Variants in CADPS2 observed in about 807,000 individuals in gnomAD.
CADPS2 encodes calcium-dependent secretion activator 2.
In CADPS2, 93 loss-of-function variants were observed where a neutral mutation model predicts 172.5. That is an observed-to-expected ratio of 0.54 (90% confidence interval 0.46 to 0.64). The LOEUF is 0.64. Ranked by LOEUF, CADPS2 falls within the 30% of genes least tolerant of loss-of-function variation. The pLI is 0.00. For synonymous variants in CADPS2, 546 were observed against 555.2 expected (o/e 0.98, Z 0.23); for missense variants, 1,420 against 1,565.9 (o/e 0.91, Z 1.57).
intron 2 of CADPS2, among the ~76,000 whole-genome samples, chr7:122,711,945 C>A (rs952781817): frequency 4.6e-5 from 7 of 152,052 alleles, no homozygotes; most frequent in Non-Finnish European, 1.0e-4. Flanking sequence ...GCCACCACGT[C>A]CAGCCATGTT....
intron 28 of CADPS2, among the ~76,000 whole-genome samples, chr7:122,343,139 C>G (rs1474793339): frequency 6.6e-6 from 1 of 152,000 alleles, no homozygotes; most frequent in South Asian, 2.1e-4. Context: ...ACATGTTATT[C>G]CTGATGACAA....
chr7:122,585,078 T>A (rs1163340112), intron 6 of CADPS2, among the ~76,000 whole-genome samples: 1 of 151,896 alleles, frequency 6.6e-6, no homozygotes, highest in Non-Finnish European at 1.5e-5. Context: ...AAGGCTTAAA[T>A]AACGTGTTCT....
intron 15 of CADPS2, among the ~76,000 whole-genome samples, chr7:122,446,696 G>A (rs1469940283): frequency 3.9e-5 from 6 of 152,142 alleles, no homozygotes; most frequent in Non-Finnish European, 8.8e-5. Context: ...AATAGCTGTA[G>A]CTCTCTCCTC....
chr7:122,333,871 A>G (rs1181190682), intron 28 of CADPS2, among the ~76,000 whole-genome samples: 2 of 148,856 alleles, frequency 1.3e-5, no homozygotes, highest in African/African-American at 4.9e-5. Context: ...ATGCATTTAA[A>G]TATTTATAAA....
Position 122,541,837 on chromosome 7 carries a change from G to GCATATATA in CADPS2, c.1475+12712_1475+12713insTATATATG, listed in dbSNP as rs1563648850. 7.4e-3 allele frequency among the ~76,000 whole-genome samples: 392 copies of GCATATATA among 53,196 alleles called. 2 individuals carry two copies. Among genetic ancestry groups the GCATATATA allele is most frequent in the Admixed American group, 0.02 (97 of 4,844 alleles). 34.9% of individuals were successfully genotyped at this position (53,196 alleles called of 152,430 possible). A position where few individuals can be genotyped will look rare whatever the true frequency, so the allele number is the denominator to read the frequency against. ...TATTCATATGTTTATATATTCATAT[G>GCATATATA]TTTATATATTCATATATATTTATAT... On this transcript the variant is annotated intron_variant, in intron 8 of 29. Coordinates refer to ENST00000449022, the MANE Select transcript of CADPS2 (RefSeq NM_017954.11).
chr7:122,731,762 C>A (rs536721977), intron 2 of CADPS2, among the ~76,000 whole-genome samples: 1 of 151,794 alleles, frequency 6.6e-6, no homozygotes, highest in South Asian at 2.1e-4. Flanking sequence ...AAGATTATAA[C>A]TGCCAACTTT....
At chr7:122,450,706 T>C (rs998025326) in intron 15 of CADPS2, among the ~76,000 whole-genome samples, 5 of 151,854 alleles carry the variant, frequency 3.3e-5, no homozygotes, top group Non-Finnish European at 7.4e-5. Flanking sequence ...GGTTAAGTTT[T>C]GTATTTTTTA....
intron 11 of CADPS2, among the ~76,000 whole-genome samples, chr7:122,482,782 T>C (rs992209374): frequency 2.6e-5 from 4 of 152,044 alleles, no homozygotes; most frequent in African/African-American, 9.7e-5. Flanking sequence ...AGGGTGATAG[T>C]AACTAGAGTT....
intron 3 of CADPS2, among the ~76,000 whole-genome samples, chr7:122,656,217 C>T (rs1025392806): frequency 2.0e-5 from 3 of 152,044 alleles, no homozygotes; most frequent in African/African-American, 7.2e-5. Context: ...TTCAGTTACC[C>T]CACAAAGTTC....
At chr7:122,578,532 C>T (rs1424428402) in intron 7 of CADPS2, among the ~76,000 whole-genome samples, 1 of 152,042 alleles carries the variant, frequency 6.6e-6, no homozygotes, top group Non-Finnish European at 1.5e-5. Context: ...CAGAAGGTAG[C>T]CCTGCACCCC....
At chr7:122,868,875 G>A (rs1454980742) in intron 1 of CADPS2, among the ~76,000 whole-genome samples, 1 of 152,130 alleles carries the variant, frequency 6.6e-6, no homozygotes, top group Non-Finnish European at 1.5e-5. Flanking sequence ...CTACTAAACA[G>A]AAATCATTGA....
chr7:122,571,913 GAATA>G (rs1368411904), intron 7 of CADPS2, among the ~76,000 whole-genome samples: 2 of 152,006 alleles, frequency 1.3e-5, no homozygotes, highest in Admixed American at 1.3e-4. Flanking sequence ...ATGTTTTATT[GAATA>G]ATTAACTATA....
chr7:122,445,081 T>C (rs2051972022), intron 15 of CADPS2, among the ~76,000 whole-genome samples: 2 of 152,322 alleles, frequency 1.3e-5, no homozygotes, highest in South Asian at 2.1e-4. Context: ...GAGTCTACTT[T>C]TGGACTTTCA....
intron 1 of CADPS2, among the ~76,000 whole-genome samples, chr7:122,773,687 G>A (rs570734656): frequency 3.3e-5 from 5 of 152,104 alleles, no homozygotes; most frequent in African/African-American, 1.2e-4. Flanking sequence ...TGCTTTTTCA[G>A]GCATTGCTTT....
chr7:122,803,534 G>A (rs908150128), intron 1 of CADPS2, among the ~76,000 whole-genome samples: 1 of 152,158 alleles, frequency 6.6e-6, no homozygotes, highest in African/African-American at 2.4e-5. Context: ...ATGAAAATGT[G>A]ACAAAGCCAT....
chr7:122,654,430 T>C (rs553500041), intron 3 of CADPS2, among the ~76,000 whole-genome samples: 1 of 152,336 alleles, frequency 6.6e-6, no homozygotes, highest in African/African-American at 2.4e-5. Context: ...TAGTGGCTAA[T>C]GAAGCTGGTG....
intron 1 of CADPS2, among the ~76,000 whole-genome samples, chr7:122,743,955 G>A (rs749008349): frequency 1.2e-4 from 18 of 152,116 alleles, no homozygotes; most frequent in Non-Finnish European, 2.2e-4. Flanking sequence ...TATCAGTGTC[G>A]TATTCAAATA....
chr7:122,781,594 T>C (rs1035208386), intron 1 of CADPS2, among the ~76,000 whole-genome samples: 1 of 152,194 alleles, frequency 6.6e-6, no homozygotes, highest in African/African-American at 2.4e-5. Flanking sequence ...GATACAAATA[T>C]GCAACACTCA....
intron 7 of CADPS2, among the ~76,000 whole-genome samples, chr7:122,564,082 C>T (rs1339896392): frequency 3.3e-5 from 5 of 152,072 alleles, no homozygotes; most frequent in African/African-American, 7.2e-5. Flanking sequence ...CTTCTGGTTG[C>T]ACTTTGGATA....
Sources: gnomAD v4.1 joint callset for allele counts (sites outside exome capture counted in the v4.1 genomes callset) on GRCh38, gnomAD v4.1.1 for gene constraint, MANE v1.5 for transcripts, NCBI Gene and HGNC (gene_info 2026-07-23, HGNC 2026-07-21) for gene names.